Variants in STPG4 observed in about 807,000 individuals in gnomAD.
The protein encoded by STPG4 is sperm-tail PG-rich repeat containing 4.
A neutral mutation model predicts 31.5 loss-of-function variants in STPG4; 41 were observed. The ratio of observed to expected loss-of-function variants is 1.30; its 90% CI spans 1.01 to 1.69. The LOEUF is 1.69. STPG4 is among the 40% of genes most tolerant of loss of function. The probability of loss-of-function intolerance (pLI) is 0.00; values close to 1 mark genes in which losing one functional copy is unlikely to be tolerated. For missense variants in STPG4, 375 were observed against 293.4 expected (o/e 1.28, Z -2.03); for synonymous variants, 141 against 103.0 (o/e 1.37, Z -2.24).
intron 5 of STPG4, among the ~76,000 whole-genome samples, chr2:47,123,349 C>A (rs1038255405): frequency 6.6e-6 from 1 of 152,038 alleles, no homozygotes; most frequent in African/African-American, 2.4e-5. Context: ...ATATCTCTAG[C>A]GATTTAATTA....
chr2:47,107,248 C>A (rs1269524891), intron 5 of STPG4, among the ~76,000 whole-genome samples: 3 of 152,090 alleles, frequency 2.0e-5, no homozygotes, highest in African/African-American at 7.3e-5. Flanking sequence ...AAGGCCAGAG[C>A]CGGCTCCCTC....
intron 1 of STPG4, among the ~76,000 whole-genome samples, chr2:47,153,588 A>C (rs565120523): frequency 8.5e-4 from 129 of 152,322 alleles, no homozygotes; most frequent in Non-Finnish European, 1.4e-3. Context: ...CCCTATCTGT[A>C]CTAAAAATAC....
At chr2:47,100,115 C>T (rs534210529) in intron 5 of STPG4, among the ~76,000 whole-genome samples, 5 of 152,246 alleles carry the variant, frequency 3.3e-5, no homozygotes, top group East Asian at 1.9e-4. Flanking sequence ...CTGAGGAGTG[C>T]GGGCACATGG....
At chr2:47,134,513 A>G (rs1228364497) in intron 3 of STPG4, among the ~76,000 whole-genome samples, 1 of 152,162 alleles carries the variant, frequency 6.6e-6, no homozygotes, top group African/African-American at 2.4e-5. Context: ...TGTTTCCTCC[A>G]TGTCTTGTTA....
At chr2:47,107,147 G>A (rs1353963496) in intron 5 of STPG4, among the ~76,000 whole-genome samples, 2 of 152,066 alleles carry the variant, frequency 1.3e-5, no homozygotes, top group African/African-American at 2.4e-5. Flanking sequence ...CTCGCTTTCA[G>A]CACCTCCTCT....
At chr2:47,144,458 A>G (rs1686777429) in intron 3 of STPG4, among the ~76,000 whole-genome samples, 1 of 152,178 alleles carries the variant, frequency 6.6e-6, no homozygotes, top group Admixed American at 6.5e-5. Flanking sequence ...AGGCAGGAGG[A>G]GGACTGCTTG....
chr2:47,132,002 T>C (rs574721458), intron 3 of STPG4, among the ~76,000 whole-genome samples: 3 of 151,976 alleles, frequency 2.0e-5, no homozygotes, highest in East Asian at 1.9e-4. Context: ...CTGTCTCTAC[T>C]AAACATACAA....
At chr2:47,097,775 G>C (rs1345704280) in intron 5 of STPG4, among the ~76,000 whole-genome samples, 1 of 152,146 alleles carries the variant, frequency 6.6e-6, no homozygotes, top group African/African-American at 2.4e-5. Context: ...AGTGGACCAA[G>C]AAACATGTGG....
chr2:47,110,793 G>C (rs1038292535), intron 5 of STPG4, among the ~76,000 whole-genome samples: 6 of 152,072 alleles, frequency 3.9e-5, no homozygotes, highest in Admixed American at 1.3e-4. Context: ...CTACACATTA[G>C]ATCATAAACA....
intron 5 of STPG4, among the ~76,000 whole-genome samples, chr2:47,119,323 T>C (rs1471859685): frequency 2.0e-5 from 3 of 152,250 alleles, no homozygotes; most frequent in Admixed American, 6.5e-5. Flanking sequence ...TGAATCACTT[T>C]TATTTATAAA....
chr2:47,130,571 A>G (rs1686457483), intron 3 of STPG4, among the ~76,000 whole-genome samples: 1 of 152,148 alleles, frequency 6.6e-6, no homozygotes, highest in Non-Finnish European at 1.5e-5. Context: ...GCTGGAGTGC[A>G]GTGGCGTGAT....
intron 6 of STPG4, among the ~76,000 whole-genome samples, chr2:47,089,300 G>A (rs1257636682): frequency 6.6e-6 from 1 of 152,112 alleles, no homozygotes; most frequent in African/African-American, 2.4e-5. Context: ...TCACTGGCAG[G>A]GCCTCCCCAT....
intron 5 of STPG4, among the ~76,000 whole-genome samples, chr2:47,100,173 C>G (rs1051682746): frequency 7.9e-5 from 12 of 152,122 alleles, no homozygotes; most frequent in African/African-American, 2.9e-4. Flanking sequence ...GTGGGATCCA[C>G]TGGGTGAAGC....
chr2:47,094,989 C>T (rs1224367946), intron 5 of STPG4, among the ~76,000 whole-genome samples: 4 of 152,294 alleles, frequency 2.6e-5, no homozygotes, highest in East Asian at 1.9e-4. Context: ...GGAGTGAAGA[C>T]GTGTATCACT....
At chr2:47,116,607 GTC>G (rs1686157572) in intron 5 of STPG4, among the ~76,000 whole-genome samples, 2 of 152,194 alleles carry the variant, frequency 1.3e-5, no homozygotes, top group African/African-American at 4.8e-5. Flanking sequence ...GTGGGACACT[GTC>G]TCACATTTCT....
In STPG4 at chr2:47,096,903, A is replaced by G. The variant is rs183415842; in HGVS notation, c.520-6529T>C. On this transcript the variant is annotated intron_variant, in intron 5 of 6. Coordinates refer to ENST00000445927, the MANE Select transcript of STPG4 (RefSeq NM_001163561.2). Reference sequence around the variant, plus strand: ...GCAAACTGTCACAGAATAGAATTCAATATGAAATGAGTGAGTATACCAACT... The same window carrying G: ...GCAAACTGTCACAGAATAGAATTCAGTATGAAATGAGTGAGTATACCAACT... 4.5e-4 allele frequency among the ~76,000 whole-genome samples: 68 copies of G among 152,334 alleles called. 1 individual carries two copies. The highest frequency in any genetic ancestry group is 1.5e-3 in the African/African-American group (64 of 41,576).
At chr2:47,121,716 C>T (rs1241759706) in intron 5 of STPG4, among the ~76,000 whole-genome samples, 2 of 152,166 alleles carry the variant, frequency 1.3e-5, no homozygotes, top group Admixed American at 1.3e-4. Flanking sequence ...TCAGCAGGGC[C>T]ATGCTCCCTC....
At chr2:47,101,847 A>G (rs1685807260) in intron 5 of STPG4, among the ~76,000 whole-genome samples, 1 of 151,656 alleles carries the variant, frequency 6.6e-6, no homozygotes, top group Non-Finnish European at 1.5e-5. Context: ...ATGGCCCTCC[A>G]CTTCATTTTT....
intron 3 of STPG4, among the ~76,000 whole-genome samples, chr2:47,132,584 C>T (rs189869245): frequency 6.6e-6 from 1 of 152,290 alleles, no homozygotes; most frequent in Admixed American, 6.5e-5. Flanking sequence ...GCTCACTTGA[C>T]ATCATAAACA....
Sources: gnomAD v4.1 joint callset for allele counts (sites outside exome capture counted in the v4.1 genomes callset) on GRCh38, gnomAD v4.1.1 for gene constraint, MANE v1.5 for transcripts, NCBI Gene and HGNC (gene_info 2026-07-23, HGNC 2026-07-21) for gene names.